Variants in ABI3BP observed in about 807,000 individuals in gnomAD.
ABI3BP encodes ABI family member 3 binding protein.
A neutral mutation model predicts 268.6 loss-of-function variants in ABI3BP; 216 were observed. The ratio of observed to expected loss-of-function variants is 0.80; its 90% CI spans 0.72 to 0.90. ABI3BP has a LOEUF of 0.90. ABI3BP is among the 40% of genes least tolerant of loss of function. The pLI is 0.00. For missense variants in ABI3BP, 2,090 were observed against 2,182.4 expected (o/e 0.96, Z 0.84); for synonymous variants, 730 against 730.0 (o/e 1.00, Z 0.00).
At chr3:100,862,555 G>C in intron 13 of ABI3BP, 170 bp from the exon 14 acceptor site, 1 of 595,806 alleles carries the variant, frequency 1.7e-6, no homozygotes, top group Non-Finnish European at 2.9e-6. Flanking sequence ...TCCATCCAGA[G>C]AACATTTGAT....
intron 63 of ABI3BP, among the ~76,000 whole-genome samples, chr3:100,758,592 G>C (rs1007048012): frequency 2.0e-5 from 3 of 152,082 alleles, no homozygotes; most frequent in African/African-American, 4.8e-5. Flanking sequence ...AATTTAACAG[G>C]TAAACCTTTC....
At chr3:100,963,724 C>G (rs1182591706) in intron 1 of ABI3BP, among the ~76,000 whole-genome samples, 1 of 152,208 alleles carries the variant, frequency 6.6e-6, no homozygotes, top group South Asian at 2.1e-4. Context: ...GTCGCACTGG[C>G]CAGCTGTTAT....
chr3:100,863,061 T>C (rs2099014925), intron 12 of ABI3BP, 152 bp from the exon 13 acceptor site: 3 of 592,312 alleles, frequency 5.1e-6, no homozygotes, highest in African/African-American at 3.8e-5. Context: ...TATGTTTCAA[T>C]GTTGAATATA....
In ABI3BP at chr3:100,807,205, A is replaced by G. The variant is rs546041652; in HGVS notation, c.3682+956T>C. ...TAACGTTAGATTTTAGTTTCCTATTATAATAACAAATTTAATATACTTGGT... is the reference window on the plus strand; with the variant it reads ...TAACGTTAGATTTTAGTTTCCTATTGTAATAACAAATTTAATATACTTGGT... On this transcript the variant is annotated intron_variant, in intron 50 of 67. Coordinates refer to ENST00000471714, the MANE Select transcript of ABI3BP (RefSeq NM_001375547.2). Among the ~76,000 whole-genome samples, 27 of 152,056 alleles carry G rather than the reference A, an allele frequency of 1.8e-4. No individual in the cohort carries two copies. The South Asian group carries it at 5.2e-3, about 29-fold the overall frequency.
chr3:100,785,079 A>T (rs1325249970), intron 57 of ABI3BP, among the ~76,000 whole-genome samples: 1 of 152,220 alleles, frequency 6.6e-6, no homozygotes, highest in Non-Finnish European at 1.5e-5. Context: ...AAATAAAATT[A>T]AAAAGAATAT....
chr3:100,809,365 T>C (rs2097789748), intron 49 of ABI3BP, among the ~76,000 whole-genome samples: 1 of 152,090 alleles, frequency 6.6e-6, no homozygotes, highest in South Asian at 2.1e-4. Flanking sequence ...CTAACTGATA[T>C]GCCACTTACT....
At chr3:100,952,266 A>G (rs1369910027) in intron 1 of ABI3BP, among the ~76,000 whole-genome samples, 1 of 152,224 alleles carries the variant, frequency 6.6e-6, no homozygotes, top group African/African-American at 2.4e-5. Context: ...ATTCAAGTAT[A>G]CTTGAAAATT....
At chr3:100,795,888 G>T in intron 52 of ABI3BP, 37 bp from the exon 53 acceptor site, 1 of 1,257,346 alleles carries the variant, frequency 8.0e-7, no homozygotes, top group South Asian at 1.3e-5. Context: ...ATATTTATGA[G>T]AATTACTACC....
At chr3:100,840,698 A>G in intron 22 of ABI3BP, 122 bp downstream of exon 22, 1 of 787,480 alleles carries the variant, frequency 1.3e-6, no homozygotes, top group Non-Finnish European at 1.9e-6. Flanking sequence ...TGAAGAACAG[A>G]GCACTCACAC....
chr3:100,879,550 A>G (rs1007670629), intron 6 of ABI3BP, among the ~76,000 whole-genome samples: 1 of 152,176 alleles, frequency 6.6e-6, no homozygotes, highest in African/African-American at 2.4e-5. Context: ...GATTTGTTTC[A>G]AACAAACCAT....
At chr3:100,859,448 T>G (rs186268060) in intron 14 of ABI3BP, among the ~76,000 whole-genome samples, 3 of 152,320 alleles carry the variant, frequency 2.0e-5, no homozygotes, top group African/African-American at 7.2e-5. Context: ...GACCACCATT[T>G]AAACACTATC....
rs1322230757 is a variant in ABI3BP at position 100,750,625 on chromosome 3, A to G, written c.5246-15T>C. On this transcript the variant is annotated splice_polypyrimidine_tract_variant and intron_variant, in intron 67 of 67. Transcript: ENST00000471714. ...TCTGAAATAACCTGAGAGAGAAAATAGTTTCATTTTAATAGCTGCTGTATT... is the reference window on the plus strand; with the variant it reads ...TCTGAAATAACCTGAGAGAGAAAATGGTTTCATTTTAATAGCTGCTGTATT... 16 of 1,587,480 alleles carry G rather than the reference A, an allele frequency of 1.0e-5. No homozygotes were observed. The South Asian group carries it at 1.4e-4, about 14-fold the overall frequency.
intron 2 of ABI3BP, among the ~76,000 whole-genome samples, chr3:100,913,258 C>T (rs2057413066): frequency 6.6e-6 from 1 of 152,114 alleles, no homozygotes; most frequent in Non-Finnish European, 1.5e-5. Flanking sequence ...AACTGTAGTC[C>T]ACATCCACCC....
At chr3:100,764,120 G>A (rs2096134748) in intron 63 of ABI3BP, among the ~76,000 whole-genome samples, 1 of 152,076 alleles carries the variant, frequency 6.6e-6, no homozygotes, top group Non-Finnish European at 1.5e-5. Flanking sequence ...TTGGCCCTCC[G>A]TGTACTGACA....
chr3:100,848,223 A>G (rs1049998551), intron 18 of ABI3BP, among the ~76,000 whole-genome samples: 1 of 151,530 alleles, frequency 6.6e-6, no homozygotes, highest in African/African-American at 2.4e-5. Context: ...CAGAGTAGGT[A>G]CCAAAAAAAA....
chr3:100,890,106 A>G (rs2043840760), intron 4 of ABI3BP, among the ~76,000 whole-genome samples: 1 of 152,148 alleles, frequency 6.6e-6, no homozygotes, highest in African/African-American at 2.4e-5. Flanking sequence ...TTGAACACCA[A>G]ACTAAGCTTA....
At chr3:100,847,763 C>T in intron 18 of ABI3BP, 90 bp from the exon 19 acceptor site, 1 of 1,110,586 alleles carries the variant, frequency 9.0e-7, no homozygotes, top group Non-Finnish European at 1.4e-6. Flanking sequence ...CATTTAAAAT[C>T]CTGCCATATT....
At chr3:100,879,440 C>T (rs137974521) in intron 6 of ABI3BP, among the ~76,000 whole-genome samples, 89 of 152,288 alleles carry the variant, frequency 5.8e-4, no homozygotes, top group Admixed American at 2.6e-4. Flanking sequence ...TTGTTGAATG[C>T]GAAGTCTTTC....
At chr3:100,765,385 G>T (rs2096227296) in intron 63 of ABI3BP, among the ~76,000 whole-genome samples, 1 of 152,146 alleles carries the variant, frequency 6.6e-6, no homozygotes, top group African/African-American at 2.4e-5. Context: ...GAATTGCTGT[G>T]CCTGAGACTA....
Sources: allele counts gnomAD v4.1 joint callset (sites outside exome capture counted in the v4.1 genomes callset), GRCh38; gene constraint gnomAD v4.1.1; transcripts MANE v1.5; gene names NCBI Gene and HGNC (gene_info 2026-07-23, HGNC 2026-07-21).